Variants in IGF2R observed in about 807,000 individuals in gnomAD.
The protein encoded by IGF2R is cation-independent mannose-6-phosphate receptor.
Under a neutral mutation model 270.6 loss-of-function variants are expected in IGF2R, and 91 were observed. The observed-to-expected ratio is 0.34, with a 90% CI of 0.28 to 0.40. The LOEUF (loss-of-function observed/expected upper bound fraction) is 0.40. IGF2R is among the 10% of genes least tolerant of loss of function. The probability of loss-of-function intolerance (pLI) is 1.00; values close to 1 mark genes in which losing one functional copy is unlikely to be tolerated. For synonymous variants in IGF2R, 1,316 were observed against 1,258.9 expected (o/e 1.05, Z -0.96); for missense variants, 2,805 against 3,188.3 (o/e 0.88, Z 2.90).
chr6:160,069,024 CCTT>C (rs1778654403), intron 30 of IGF2R, among the ~76,000 whole-genome samples: 1 of 151,994 alleles, frequency 6.6e-6, no homozygotes, highest in African/African-American at 2.4e-5. Context: ...GGTGAGGAAT[CCTT>C]CTTAGCAGGT....
intron 19 of IGF2R, 45 bp from the exon 20 acceptor site, chr6:160,056,379 T>C: frequency 7.8e-7 from 1 of 1,289,268 alleles, no homozygotes; most frequent in East Asian, 2.3e-5. Flanking sequence ...TTCTATCAAG[T>C]TCCATGTTAC....
chr6:160,044,456 G>T, intron 12 of IGF2R, 58 bp from the exon 13 acceptor site: 1 of 418,100 alleles, frequency 2.4e-6, no homozygotes, highest in Non-Finnish European at 3.9e-6. Flanking sequence ...TCACTTCTTT[G>T]TCTGCGTGAT....
intron 34 of IGF2R, 95 bp from the exon 35 acceptor site, chr6:160,073,662 G>A: frequency 8.4e-7 from 1 of 1,196,750 alleles, no homozygotes; most frequent in Non-Finnish European, 1.2e-6. Flanking sequence ...TACTTTTTTT[G>A]TTGTTGTTAT....
rs985701926 is a variant in IGF2R, at chr6:160,107,038, T to C, written c.*1954T>C. 1 of 152,226 alleles carries C rather than the reference T, an allele frequency of 6.6e-6. No homozygotes were observed. Among genetic ancestry groups the C allele is most frequent in the Non-Finnish European group, 1.5e-5 (1 of 68,040 alleles). 9.4% of individuals were successfully genotyped at this position (152,226 alleles called of 1,614,324 possible). A position where few individuals can be genotyped will look rare whatever the true frequency, so the allele number is the denominator to read the frequency against. On this transcript the variant is annotated 3_prime_UTR_variant, in exon 48 of 48. Coordinates refer to ENST00000356956, the MANE Select transcript of IGF2R (RefSeq NM_000876.4). ...TCAACATCCTATTCTCCATCCCTTT[T>C]TTTTTCCTGTAGAGTCCAAAAACCT...
Position 160,063,455 on chromosome 6 carries a change from G to T in IGF2R, c.3711G>T (p.Leu1237Phe). The change falls in exon 27 of 48, where the codon TTG becomes TTT. Residue 1237 changes from leucine (L) to phenylalanine (F), a missense_variant. This residue lies in a region of IGF2R where 1,851 missense variants were observed against 2,207.2 expected (regional missense o/e 0.84). Coordinates refer to ENST00000356956, the MANE Select transcript of IGF2R (RefSeq NM_000876.4). ...CEVKDPRHGN[L>F]YDLKPLGLND... ...TGAAAGACCCAAGGCATGGCAACTT[G>T]TATGACCTGAAGCCCCTGGGCCTCA... 1 of 1,612,994 alleles carries T rather than the reference G, an allele frequency of 6.2e-7. No homozygotes were observed. Among genetic ancestry groups the T allele is most frequent in the Admixed American group, 1.7e-5 (1 of 60,024 alleles).
At chr6:159,972,704 C>T (rs545685580) in intron 1 of IGF2R, among the ~76,000 whole-genome samples, 3 of 152,328 alleles carry the variant, frequency 2.0e-5, no homozygotes, top group Admixed American at 6.5e-5. Flanking sequence ...GGATGGGGTG[C>T]GGTTCCTGGT....
At position 160,073,986 on chromosome 6, in the gene IGF2R, C is replaced by G. The variant is rs377002767; in HGVS notation, c.5166+11C>G. The G allele has an allele frequency of 1.3e-6, 2 of 1,592,822 alleles. No homozygotes were observed. The highest frequency in any genetic ancestry group is 1.7e-6 in the Non-Finnish European group (2 of 1,164,442). ...GATGGTCCCCCCATAGTAAGTATGACAAATCCAAGGGTGGAGATAATTTTT... is the reference window on the plus strand; with the variant it reads ...GATGGTCCCCCCATAGTAAGTATGAGAAATCCAAGGGTGGAGATAATTTTT... On this transcript the variant is annotated intron_variant, in intron 35 of 47. Transcript: ENST00000356956.
chr6:160,073,169 C>G (rs561232930), intron 33 of IGF2R, 44 bp from the exon 34 acceptor site: 1 of 1,595,730 alleles, frequency 6.3e-7, no homozygotes, highest in South Asian at 1.1e-5. Context: ...AATTGGCCAT[C>G]GAGTCTGTGA....
chr6:159,986,232 CTTT>C (rs34949766), intron 1 of IGF2R, among the ~76,000 whole-genome samples: 4 of 138,716 alleles, frequency 2.9e-5, no homozygotes, highest in Non-Finnish European at 3.1e-5. Context: ...TGCTGCAGAA[CTTT>C]TTTTTTTTTT....
In IGF2R at chr6:160,062,111, C is replaced by T. The variant is rs8191846; in HGVS notation, c.3582+183C>T. ...GGTCTTAAATGTTTAATAAATGTTA[C>T]GTAGTTTGCACATGGAGGTCAAAGA... On this transcript the variant is annotated intron_variant, in intron 25 of 47. Transcript: ENST00000356956. Among the ~76,000 whole-genome samples the T allele has an allele frequency of 4.3e-3, 647 of 151,498 alleles. 5 individuals carry two copies. The highest frequency in any genetic ancestry group is 0.015 in the African/African-American group (616 of 41,226).
intron 1 of IGF2R, among the ~76,000 whole-genome samples, chr6:159,981,586 GCT>G (rs997645433): frequency 1.3e-5 from 2 of 152,204 alleles, no homozygotes; most frequent in Admixed American, 1.3e-4. Context: ...TGTTTCGATA[GCT>G]CTGTGTTCCT....
At chr6:160,008,674 G>T (rs569916522) in intron 2 of IGF2R, among the ~76,000 whole-genome samples, 1 of 152,326 alleles carries the variant, frequency 6.6e-6, no homozygotes, top group Admixed American at 6.5e-5. Flanking sequence ...GATGAGACTA[G>T]TGTGGAGGCA....
At chr6:159,975,133 C>CCCACA (rs1167233431) in intron 1 of IGF2R, among the ~76,000 whole-genome samples, 3 of 152,162 alleles carry the variant, frequency 2.0e-5, no homozygotes, top group Non-Finnish European at 4.4e-5. Flanking sequence ...CGCTCCCCAC[C>CCCACA]CCACACCAGT....
rs936488706 is a variant in IGF2R at position 160,106,770 on chromosome 6, C to G, written c.*1686C>G. 1 of 152,168 alleles carries G rather than the reference C, an allele frequency of 6.6e-6. No individual in the cohort carries two copies. Among genetic ancestry groups the G allele is most frequent in the Non-Finnish European group, 1.5e-5 (1 of 68,034 alleles). The allele number at this position is 152,168 out of a possible 1,614,324, so 9.4% of individuals were successfully genotyped here. A position where few individuals can be genotyped will look rare whatever the true frequency, so the allele number is the denominator to read the frequency against. ...TGCCTTCCCTTGGCTCTTTCTAGATCCGATTTCTTTACCTTCTCCAGGCCA... is the reference window on the plus strand; with the variant it reads ...TGCCTTCCCTTGGCTCTTTCTAGATGCGATTTCTTTACCTTCTCCAGGCCA... On this transcript the variant is annotated 3_prime_UTR_variant, in exon 48 of 48. Transcript: ENST00000356956.
intron 1 of IGF2R, among the ~76,000 whole-genome samples, chr6:159,987,138 G>T (rs1783899988): frequency 6.6e-6 from 1 of 152,146 alleles, no homozygotes; most frequent in African/African-American, 2.4e-5. Flanking sequence ...AATCTGAAAA[G>T]AAATTTAGAA....
chr6:160,070,614 C>T (rs1778697682), intron 31 of IGF2R, among the ~76,000 whole-genome samples: 1 of 152,102 alleles, frequency 6.6e-6, no homozygotes, highest in African/African-American at 2.4e-5. Flanking sequence ...CAGTTCTTCC[C>T]TTACTTGTTT....
intron 39 of IGF2R, among the ~76,000 whole-genome samples, chr6:160,083,237 C>T (rs1779024923): frequency 6.6e-6 from 1 of 152,224 alleles, no homozygotes; most frequent in Non-Finnish European, 1.5e-5. Flanking sequence ...TGGACATGCA[C>T]ATAGGCCAAA....
chr6:160,045,828 T>C lies in IGF2R; in HGVS notation c.1849T>C (p.Cys617Arg). ...YEFEWHTAAA[C>R]VLSKTEGENC... Reference sequence around the variant, plus strand: ...GTTTGAGTGGCACACAGCTGCGGCCTGTGTGCTGTCTAAGACAGAAGGGGA... The same window carrying C: ...GTTTGAGTGGCACACAGCTGCGGCCCGTGTGCTGTCTAAGACAGAAGGGGA... The change falls in exon 14 of 48, where the codon TGT becomes CGT. Residue 617 changes from cysteine to arginine, a missense_variant. This residue lies in a region of IGF2R where 954 missense variants were observed against 981.1 expected (regional missense o/e 0.97). Transcript: ENST00000356956. 2 of 1,612,102 alleles carry C rather than the reference T, an allele frequency of 1.2e-6. No homozygotes were observed. Among genetic ancestry groups the C allele is most frequent in the Non-Finnish European group, 1.7e-6 (2 of 1,178,948 alleles).
intron 4 of IGF2R, 114 bp downstream of exon 4, chr6:160,010,899 A>G (rs1242854464): frequency 6.3e-6 from 4 of 638,062 alleles, no homozygotes; most frequent in Non-Finnish European, 1.1e-5. Flanking sequence ...TCCAAATTGC[A>G]TTTGAGCAGA....
Sources: allele counts gnomAD v4.1 joint callset (sites outside exome capture counted in the v4.1 genomes callset), GRCh38; gene constraint gnomAD v4.1.1; regional missense constraint gnomAD v4.1.1; transcripts MANE v1.5; gene names NCBI Gene and HGNC (gene_info 2026-07-23, HGNC 2026-07-21).